The following CRIM1 variants were observed in gnomAD, a reference collection of about 807,000 sequenced individuals.
CRIM1 encodes the protein cysteine rich transmembrane BMP regulator 1.
CRIM1 carries 32 observed loss-of-function variants against 116.4 expected under a neutral mutation model. The ratio of observed to expected loss-of-function variants is 0.27; its 90% confidence interval spans 0.21 to 0.37. The LOEUF (loss-of-function observed/expected upper bound fraction) is 0.37. Among genes scored for constraint, CRIM1 ranks in the 10% least tolerant of loss-of-function variants. The pLI, the probability that CRIM1 is intolerant of heterozygous loss-of-function variation, is 1.00. For synonymous variants in CRIM1, 590 were observed against 509.2 expected (o/e 1.16, Z -2.13); for missense variants, 1,331 against 1,354.8 (o/e 0.98, Z 0.28).
intron 4 of CRIM1, among the ~76,000 whole-genome samples, chr2:36,463,281 G>A (rs1677723118): frequency 6.6e-6 from 1 of 152,176 alleles, no homozygotes; most frequent in Admixed American, 6.5e-5. Flanking sequence ...TGAAGTACTT[G>A]TGGACTATAA....
intron 2 of CRIM1, among the ~76,000 whole-genome samples, chr2:36,420,292 C>A (rs1250931280): frequency 4.6e-5 from 7 of 152,096 alleles, no homozygotes; most frequent in African/African-American, 1.7e-4. Flanking sequence ...TGTCCCCAGG[C>A]ATTTTCTATG....
At chr2:36,538,282 C>T (rs1443772698) in intron 14 of CRIM1, among the ~76,000 whole-genome samples, 1 of 152,100 alleles carries the variant, frequency 6.6e-6, no homozygotes, top group Non-Finnish European at 1.5e-5. Flanking sequence ...TCCTCTTTCC[C>T]CTGCGTCTAA....
chr2:36,540,916 C>G (rs779590731), intron 14 of CRIM1, among the ~76,000 whole-genome samples: 7 of 152,184 alleles, frequency 4.6e-5, no homozygotes, highest in Non-Finnish European at 7.3e-5. Context: ...TGCTAACATC[C>G]TTGTTCATCA....
chr2:36,371,253 C>T (rs973025992), intron 1 of CRIM1, among the ~76,000 whole-genome samples: 1 of 152,058 alleles, frequency 6.6e-6, no homozygotes, highest in Non-Finnish European at 1.5e-5. Flanking sequence ...TAATGCCATC[C>T]CCCATCCCCC....
At chr2:36,457,953 C>T (rs1677275425) in intron 4 of CRIM1, among the ~76,000 whole-genome samples, 1 of 152,082 alleles carries the variant, frequency 6.6e-6, no homozygotes, top group African/African-American at 2.4e-5. Context: ...AGGGCTTTGC[C>T]CTTTTTGCTC....
chr2:36,366,508 A>G (rs986565588), intron 1 of CRIM1, among the ~76,000 whole-genome samples: 1 of 152,332 alleles, frequency 6.6e-6, no homozygotes, highest in Non-Finnish European at 1.5e-5. Flanking sequence ...TGGAAATTTT[A>G]GCAACCAGCT....
At chr2:36,425,405 G>C (rs1347534688) in intron 2 of CRIM1, among the ~76,000 whole-genome samples, 1 of 152,138 alleles carries the variant, frequency 6.6e-6, no homozygotes, top group Non-Finnish European at 1.5e-5. Context: ...ACTGGTACAG[G>C]TCGGTGTTAG....
chr2:36,450,563 C>G (rs1198953975), intron 4 of CRIM1, among the ~76,000 whole-genome samples: 1 of 152,032 alleles, frequency 6.6e-6, no homozygotes, highest in Non-Finnish European at 1.5e-5. Flanking sequence ...TTGTTTGAAC[C>G]TCAGCTTTAT....
At chr2:36,524,277 A>C (rs1487394861) in intron 13 of CRIM1, among the ~76,000 whole-genome samples, 1 of 152,200 alleles carries the variant, frequency 6.6e-6, no homozygotes, top group Non-Finnish European at 1.5e-5. Flanking sequence ...GCATATATCC[A>C]ATTTAGTGCT....
intron 5 of CRIM1, among the ~76,000 whole-genome samples, chr2:36,466,011 A>G (rs1192472345): frequency 6.6e-6 from 1 of 151,204 alleles, no homozygotes; most frequent in Non-Finnish European, 1.5e-5. Flanking sequence ...TCAGCCTCCC[A>G]AGTAGCTGGG....
At chr2:36,427,245 G>T (rs1674526271) in intron 2 of CRIM1, among the ~76,000 whole-genome samples, 1 of 151,906 alleles carries the variant, frequency 6.6e-6, no homozygotes, top group Admixed American at 6.6e-5. Context: ...AGAAAATGGG[G>T]AAGAAATAGA....
chr2:36,469,846 A>T (rs1269822736), intron 5 of CRIM1, among the ~76,000 whole-genome samples: 1 of 152,144 alleles, frequency 6.6e-6, no homozygotes, highest in Admixed American at 6.5e-5. Flanking sequence ...TAATTTTGTT[A>T]AAGAGTGATA....
In CRIM1 at chr2:36,356,002, G is replaced by C. The variant is rs1250765367; in HGVS notation, c.-291G>C. ...CAGAAGTTTGGGTTGAACCGGAGCT[G>C]CCGGGAGGAAACTTTTTTCTTTTTT... On this transcript the variant is annotated 5_prime_UTR_variant, in exon 1 of 17. Coordinates refer to ENST00000280527, the MANE Select transcript of CRIM1 (RefSeq NM_016441.3). This position sits in a 1 kb window ranked among gnomAD's most constrained non-coding sequence, Gnocchi z 4.3. 1 of 151,904 alleles carries C rather than the reference G, an allele frequency of 6.6e-6. No individual in the cohort carries two copies. Among genetic ancestry groups the C allele is most frequent in the Non-Finnish European group, 1.5e-5 (1 of 68,198 alleles). 9.4% of individuals were successfully genotyped at this position (151,904 alleles called of 1,614,324 possible). A position where few individuals can be genotyped will look rare whatever the true frequency, so the allele number is the denominator to read the frequency against.
At chr2:36,539,005 C>G (rs770597768) in intron 14 of CRIM1, among the ~76,000 whole-genome samples, 3 of 152,136 alleles carry the variant, frequency 2.0e-5, no homozygotes, top group Non-Finnish European at 4.4e-5. Context: ...ACTGGGGACA[C>G]AGCAGTGAAC....
chr2:36,527,469 C>A (rs1186017723), intron 13 of CRIM1, among the ~76,000 whole-genome samples: 1 of 152,132 alleles, frequency 6.6e-6, no homozygotes, highest in Non-Finnish European at 1.5e-5. Flanking sequence ...TGTGTTGTGA[C>A]TGTATTTCTT....
intron 7 of CRIM1, among the ~76,000 whole-genome samples, chr2:36,490,025 A>G (rs529637432): frequency 3.9e-5 from 6 of 152,160 alleles, no homozygotes; most frequent in Non-Finnish European, 7.4e-5. Flanking sequence ...GCACAGACCC[A>G]CCCACCGTCT....
At chr2:36,478,649 G>A (rs1001090836) in intron 6 of CRIM1, among the ~76,000 whole-genome samples, 20 of 152,092 alleles carry the variant, frequency 1.3e-4, no homozygotes, top group African/African-American at 4.6e-4. Context: ...TATGTCCTTA[G>A]AATAATGATG....
chr2:36,408,295 G>T (rs1366745323), intron 2 of CRIM1, among the ~76,000 whole-genome samples: 1 of 152,162 alleles, frequency 6.6e-6, no homozygotes, highest in South Asian at 2.1e-4. Context: ...TTCACTGCTG[G>T]GGTAGCCCTG....
chr2:36,380,631 C>T (rs1401392524), intron 1 of CRIM1, among the ~76,000 whole-genome samples: 1 of 152,168 alleles, frequency 6.6e-6, no homozygotes, highest in Non-Finnish European at 1.5e-5. Flanking sequence ...GTCTGCAAAG[C>T]AAAGAAATCC....
Sources: allele counts gnomAD v4.1 joint callset (sites outside exome capture counted in the v4.1 genomes callset), GRCh38; gene constraint gnomAD v4.1.1; non-coding constraint Gnocchi (gnomAD v3.1); transcripts MANE v1.5; gene names NCBI Gene and HGNC (gene_info 2026-07-23, HGNC 2026-07-21).